Variants in IDH2 observed in about 807,000 individuals in gnomAD.
IDH2 encodes the protein isocitrate dehydrogenase [NADP], mitochondrial.
IDH2 carries 18 observed loss-of-function variants against 50.5 expected under a neutral mutation model. The ratio of observed to expected loss-of-function variants is 0.36; its 90% CI spans 0.25 to 0.53. IDH2 has a LOEUF of 0.53. Among genes scored for constraint, IDH2 ranks in the 20% least tolerant of loss-of-function variants. The pLI is 0.92. For synonymous variants in IDH2, 280 were observed against 239.8 expected (o/e 1.17, Z -1.55); for missense variants, 518 against 610.7 (o/e 0.85, Z 1.60).
At chr15:90,091,908 G>A (rs1901049210) in intron 1 of IDH2, among the ~76,000 whole-genome samples, 1 of 152,256 alleles carries the variant, frequency 6.6e-6, no homozygotes, top group Non-Finnish European at 1.5e-5. Context: ...TCCACGGACT[G>A]TTGGGAACTG....
Position 90,084,903 on chromosome 15 carries a change from G to A in IDH2, c.1184C>T (p.Ala395Val), listed in dbSNP as rs2151546611. The A allele has an allele frequency of 1.9e-6, 3 of 1,613,948 alleles. No individual in the cohort carries two copies. Among genetic ancestry groups the A allele is most frequent in the South Asian group, 1.1e-5 (1 of 91,084 alleles). ...CACGCACACCTTCTCCAGCATCTGG[G>A]CAAACCTATGGGGATGGGGCAGAAT... ...LDGNQDLIRF[A>V]QMLEKVCVET... The change falls in exon 10 of 11, where the codon GCC (alanine) becomes GTC (valine). Residue 395 changes from alanine to valine, a missense_variant. Ala to Val is a moderately conservative substitution (Grantham distance 64). Coordinates refer to ENST00000330062, the MANE Select transcript of IDH2 (RefSeq NM_002168.4). This position sits in a 1 kb window ranked among gnomAD's most constrained non-coding sequence, Gnocchi z 5.0.
Position 90,085,045 on chromosome 15 carries a change from G to T in IDH2, c.1134C>A (p.Gly378=), listed in dbSNP as rs765748772. Reference sequence around the variant, plus strand: ...CATCCAGCTTCCCCCGGTGCTCCAGGCCACGTGTCCAGGCAAAGATGCTGG... The same window carrying T: ...CATCCAGCTTCCCCCGGTGCTCCAGTCCACGTGTCCAGGCAAAGATGCTGG... ...PIASIFAWTR[G]LEHRGKLDGN... Residue 378 remains glycine, a synonymous_variant, in exon 9 of 11, where the codon GGC becomes GGA. Coordinates refer to ENST00000330062, the MANE Select transcript of IDH2 (RefSeq NM_002168.4). The surrounding 1 kb of genome is among the most constrained non-coding windows in gnomAD (Gnocchi z 5.5). 7 of 1,614,022 alleles carry T rather than the reference G, an allele frequency of 4.3e-6. No homozygotes were observed. The Admixed American group carries it at 1.0e-4, about 23-fold the overall frequency.
rs34409906 is a variant in IDH2 at position 90,096,302 on chromosome 15, T to C, written c.116-4658A>G. Among the ~76,000 whole-genome samples the C allele has an allele frequency of 2.5e-3, 375 of 151,896 alleles. 1 individual carries two copies. Among genetic ancestry groups the C allele is most frequent in the African/African-American group, 8.6e-3 (356 of 41,416 alleles). ...GTAACAGGAAGACTCCATCTCAAAATAAATAAATAAATATAATGGACAAAA... is the reference window on the plus strand; with the variant it reads ...GTAACAGGAAGACTCCATCTCAAAACAAATAAATAAATATAATGGACAAAA... On this transcript the variant is annotated intron_variant, in intron 1 of 10. Coordinates refer to ENST00000330062, the MANE Select transcript of IDH2 (RefSeq NM_002168.4).
chr15:90,088,214 C>G (rs2151549040), intron 5 of IDH2, 145 bp downstream of exon 5: 1 of 1,075,778 alleles, frequency 9.3e-7, no homozygotes, highest in Non-Finnish European at 1.4e-6. Context: ...TTACAAGTGT[C>G]AGCCACCATG....
intron 1 of IDH2, among the ~76,000 whole-genome samples, chr15:90,094,500 C>G (rs1268043477): frequency 6.6e-6 from 1 of 152,218 alleles, no homozygotes; most frequent in Non-Finnish European, 1.5e-5. Flanking sequence ...CACTTACAGC[C>G]CAATTACTCT....
intron 2 of IDH2, 138 bp downstream of exon 2, chr15:90,091,411 CAGAG>C: frequency 2.7e-6 from 2 of 727,388 alleles, no homozygotes. Flanking sequence ...GAAGGGTAGA[CAGAG>C]GGAGAGAAAC....
At chr15:90,086,320 T>G (rs1306589188) in intron 7 of IDH2, among the ~76,000 whole-genome samples, 1 of 152,220 alleles carries the variant, frequency 6.6e-6, no homozygotes. Flanking sequence ...CCACCTTTCC[T>G]GCTCTTGTTC....
intron 3 of IDH2, 32 bp from the exon 4 acceptor site, chr15:90,088,779 G>A (rs1900947644): frequency 1.9e-6 from 3 of 1,612,390 alleles, no homozygotes; most frequent in Non-Finnish European, 2.5e-6. Flanking sequence ...TGGTCCCACT[G>A]CAGCCGCCAT....
chr15:90,088,353 C>CCTCA lies in IDH2; in HGVS notation c.678+2_678+5dup. On this transcript the variant is annotated splice_donor_region_variant and intron_variant, in intron 5 of 10. Coordinates refer to ENST00000330062, the MANE Select transcript of IDH2 (RefSeq NM_002168.4). ...GAGGGGCCCAGGATGCCCAAGCCAGCCTCACCTCGTCGGTGTTGTACATGC... is the reference window on the plus strand; with the variant it reads ...GAGGGGCCCAGGATGCCCAAGCCAGCCTCACTCACCTCGTCGGTGTTGTACATGC... 6.2e-7 allele frequency: 1 copy of CCTCA among 1,613,088 alleles called. No individual in the cohort carries two copies. Among genetic ancestry groups the CCTCA allele is most frequent in the Non-Finnish European group, 8.5e-7 (1 of 1,180,030 alleles).
chr15:90,089,102 T>C (rs948395526), intron 3 of IDH2, among the ~76,000 whole-genome samples: 9 of 151,720 alleles, frequency 5.9e-5, no homozygotes, highest in Admixed American at 1.3e-4. Context: ...TTAGGAGAGA[T>C]GGGGTTTCTC....
chr15:90,097,417 T>C (rs367945033), intron 1 of IDH2, among the ~76,000 whole-genome samples: 43 of 152,302 alleles, frequency 2.8e-4, no homozygotes, highest in African/African-American at 1.0e-3. Flanking sequence ...ACTGGGGATC[T>C]TGAAATGCAT....
chr15:90,085,022 T>C lies in IDH2; in HGVS notation c.1157A>G (p.Asp386Gly), dbSNP rs1378376361. 1.9e-6 allele frequency: 3 copies of C among 1,613,824 alleles called. No homozygotes were observed. Among genetic ancestry groups the C allele is most frequent in the African/African-American group, 1.3e-5 (1 of 74,892 alleles). The change falls in exon 9 of 11, where the codon GAT becomes GGT. Residue 386 changes from aspartate (D) to glycine (G), a missense_variant. Physicochemically the swap from Asp to Gly is moderately conservative, Grantham distance 94 (BLOSUM62 -1). Transcript: ENST00000330062. The surrounding 1 kb of genome is among the most constrained non-coding windows in gnomAD (Gnocchi z 5.5). The stretch of plus-strand genomic sequence containing the variant: ...TCACCTGATGAGGTCTTGGTTCCCA[T>C]CCAGCTTCCCCCGGTGCTCCAGGCC... ...TRGLEHRGKL[D>G]GNQDLIRFAQ... is the part of the protein sequence containing the mutation.
In IDH2 at chr15:90,098,511, T is replaced by TATGC. The variant is rs1901238853; in HGVS notation, c.115+3764_115+3765insGCAT. 7.2e-6 allele frequency among the ~76,000 whole-genome samples: 1 copy of TATGC among 139,758 alleles called. No homozygotes were observed. The highest frequency in any genetic ancestry group is 2.6e-5 in the African/African-American group (1 of 38,220). 91.7% of individuals were successfully genotyped at this position (139,758 alleles called of 152,430 possible). On this transcript the variant is annotated intron_variant, in intron 1 of 10. Coordinates refer to ENST00000330062, the MANE Select transcript of IDH2 (RefSeq NM_002168.4). This position sits in a 1 kb window ranked among gnomAD's most constrained non-coding sequence, Gnocchi z 5.1. Reference sequence around the variant, plus strand: ...AGCAACTTTGTATATTTTATGTATGTATGTATGTATGTATGCATGCATGTA... The same window carrying TATGC: ...AGCAACTTTGTATATTTTATGTATGTATGCATGTATGTATGTATGCATGCATGTA...
intron 1 of IDH2, among the ~76,000 whole-genome samples, chr15:90,096,650 C>T (rs753118154): frequency 1.3e-5 from 2 of 152,232 alleles, no homozygotes; most frequent in African/African-American, 2.4e-5. Flanking sequence ...CACGGTGGCT[C>T]GCACCTGTAA....
Position 90,098,531 on chromosome 15 carries a change from C to CATGTATGTATGTATGCATGCATGT in IDH2, c.115+3744_115+3745insACATGCATGCATACATACATACAT, listed in dbSNP as rs138094075. ...GTATGTATGTATGTATGTATGCATGCATGTATGTATGTATGTATGTATGTA... is the reference window on the plus strand; with the variant it reads ...GTATGTATGTATGTATGTATGCATGCATGTATGTATGTATGCATGCATGTATGTATGTATGTATGTATGTATGTA... On this transcript the variant is annotated intron_variant, in intron 1 of 10. Coordinates refer to ENST00000330062, the MANE Select transcript of IDH2 (RefSeq NM_002168.4). The surrounding 1 kb of genome is among the most constrained non-coding windows in gnomAD (Gnocchi z 5.1). Among the ~76,000 whole-genome samples the CATGTATGTATGTATGCATGCATGT allele has an allele frequency of 0.25, 34,101 of 137,040 alleles. 4,558 individuals carry two copies. Among genetic ancestry groups the CATGTATGTATGTATGCATGCATGT allele is most frequent in the Non-Finnish European group, 0.34 (21,026 of 62,160 alleles). The allele number at this position is 137,040 out of a possible 152,430, so 89.9% of individuals were successfully genotyped here.
Position 90,098,436 on chromosome 15 carries a change from T to A in IDH2, c.115+3840A>T, listed in dbSNP as rs1350737046. On this transcript the variant is annotated intron_variant, in intron 1 of 10. Coordinates refer to ENST00000330062, the MANE Select transcript of IDH2 (RefSeq NM_002168.4). This position sits in a 1 kb window ranked among gnomAD's most constrained non-coding sequence, Gnocchi z 5.1. ...TCAGTCAGCATGTCCCAGCAAAAGA[T>A]CAGAGAGTGGGGAAAGGTTCCAATT... Among the ~76,000 whole-genome samples the A allele has an allele frequency of 6.6e-6, 1 of 152,020 alleles. No homozygotes were observed. Among genetic ancestry groups the A allele is most frequent in the Non-Finnish European group, 1.5e-5 (1 of 67,986 alleles).
At chr15:90,093,647 CTT>C (rs896045019) in intron 1 of IDH2, among the ~76,000 whole-genome samples, 1 of 151,812 alleles carries the variant, frequency 6.6e-6, no homozygotes, top group African/African-American at 2.4e-5. Context: ...GAGACAGAGT[CTT>C]TGGTCTGTCA....
At chr15:90,090,724 A>G in intron 2 of IDH2, 80 bp from the exon 3 acceptor site, 1 of 1,415,228 alleles carries the variant, frequency 7.1e-7, no homozygotes, top group Non-Finnish European at 1.0e-6. Flanking sequence ...AGAAGTCTGC[A>G]GGCCATGGCA....
intron 1 of IDH2, among the ~76,000 whole-genome samples, chr15:90,101,531 G>A (rs1388258453): frequency 1.3e-5 from 2 of 152,080 alleles, no homozygotes; most frequent in African/African-American, 2.4e-5. Flanking sequence ...CAGAAGCCGT[G>A]GGAACGATTC....
Sources: gnomAD v4.1 joint callset for allele counts (sites outside exome capture counted in the v4.1 genomes callset) on GRCh38, gnomAD v4.1.1 for gene constraint, Gnocchi (gnomAD v3.1) non-coding constraint, MANE v1.5 for transcripts, NCBI Gene and HGNC (gene_info 2026-07-23, HGNC 2026-07-21) for gene names.